WDHD1: variants seen among roughly 807,000 people sequenced by gnomAD.
WDHD1 encodes WD repeat and HMG-box DNA binding protein 1, also known as WD repeat and HMG-box DNA-binding protein 1.
WDHD1 carries 111 observed loss-of-function variants against 135.4 expected under a neutral mutation model. The ratio of observed to expected loss-of-function variants is 0.82; its 90% confidence interval spans 0.70 to 0.96. The LOEUF (loss-of-function observed/expected upper bound fraction) is 0.96. WDHD1 is among the 40% of genes least tolerant of loss of function. The pLI is 0.00. For synonymous variants in WDHD1, 434 were observed against 439.0 expected, an observed-to-expected ratio of 0.99 and a Z score of 0.14; for missense variants, 1,351 against 1,336.3, an observed-to-expected ratio of 1.01 and a Z score of -0.17.
chr14:54,959,297 C>G (rs1180080729), intron 21 of WDHD1, among the ~76,000 whole-genome samples: 1 of 150,056 alleles, frequency 6.7e-6, no homozygotes, highest in African/African-American at 2.4e-5. Context: ...ACTTGGGAGG[C>G]TGAGGTGGAA....
intron 22 of WDHD1, 42 bp from the exon 23 acceptor site, chr14:54,957,246 A>G (rs759271733): frequency 6.5e-7 from 1 of 1,547,808 alleles, no homozygotes; most frequent in Non-Finnish European, 8.7e-7. Context: ...TTTAAAGAAG[A>G]AAAATAAAAT....
chr14:54,949,618 C>T (rs1314343777), intron 24 of WDHD1, among the ~76,000 whole-genome samples: 1 of 152,152 alleles, frequency 6.6e-6, no homozygotes, highest in East Asian at 1.9e-4. Flanking sequence ...CCTAGCAAGG[C>T]AGGCCAACAT....
At chr14:54,974,476 A>G (rs1033223778) in intron 16 of WDHD1, among the ~76,000 whole-genome samples, 5 of 140,450 alleles carry the variant, frequency 3.6e-5, no homozygotes, top group African/African-American at 1.4e-4. Context: ...AATTGACCAC[A>G]AAACCTGTTT....
chr14:54,942,194 T>G (rs976870354), intron 25 of WDHD1, among the ~76,000 whole-genome samples: 2 of 151,962 alleles, frequency 1.3e-5, no homozygotes, highest in Non-Finnish European at 2.9e-5. Flanking sequence ...GAGCCTGCAG[T>G]GAGCTGAGAT....
intron 12 of WDHD1, among the ~76,000 whole-genome samples, chr14:54,990,797 T>G (rs973030666): frequency 9.2e-5 from 14 of 152,016 alleles, no homozygotes; most frequent in African/African-American, 3.4e-4. Flanking sequence ...GTCAGACTTT[T>G]CCCCCCATAG....
intron 4 of WDHD1, among the ~76,000 whole-genome samples, chr14:55,009,351 T>G (rs2042126363): frequency 6.6e-6 from 1 of 152,184 alleles, no homozygotes; most frequent in Non-Finnish European, 1.5e-5. Context: ...TTCAACCAAC[T>G]ATATTGTTTT....
intron 2 of WDHD1, among the ~76,000 whole-genome samples, chr14:55,015,176 T>C (rs1216031700): frequency 6.6e-6 from 1 of 151,924 alleles, no homozygotes; most frequent in Non-Finnish European, 1.5e-5. Context: ...TGCATCAAAA[T>C]TGGCTAGGGT....
intron 7 of WDHD1, among the ~76,000 whole-genome samples, chr14:55,003,480 A>G (rs959062818): frequency 3.3e-5 from 5 of 151,814 alleles, no homozygotes; most frequent in Admixed American, 2.0e-4. Flanking sequence ...ATGCCACTGC[A>G]CTCCAGCCTG....
intron 16 of WDHD1, among the ~76,000 whole-genome samples, chr14:54,972,590 A>AAAAAAAAAAAAAAAAT (rs71131244): frequency 1.4e-5 from 1 of 72,810 alleles, no homozygotes; most frequent in Non-Finnish European, 2.4e-5. Flanking sequence ...AAAAAAAAAA[A>AAAAAAAAAAAAAAAAT]TGCCAATGAG....
In WDHD1 at chr14:54,957,828, C is replaced by A. The variant is rs79253091; in HGVS notation, c.2702-193G>T. Among the ~76,000 whole-genome samples, 121 of 152,320 alleles carry A rather than the reference C, an allele frequency of 7.9e-4. 1 individual carries two copies. In the East Asian group the frequency reaches 0.023, roughly 28 times the overall value. On this transcript the variant is annotated intron_variant, in intron 21 of 25. Coordinates refer to ENST00000360586, the MANE Select transcript of WDHD1 (RefSeq NM_007086.4). Reference sequence around the variant, plus strand: ...AATAAAAGCTATTAAATGTGAACCACCCCAACGTGCCACTATGAAACATAT... The same window carrying A: ...AATAAAAGCTATTAAATGTGAACCAACCCAACGTGCCACTATGAAACATAT...
intron 15 of WDHD1, among the ~76,000 whole-genome samples, chr14:54,984,444 G>A (rs1030043059): frequency 1.3e-5 from 2 of 152,116 alleles, no homozygotes; most frequent in African/African-American, 2.4e-5. Flanking sequence ...GCAGTGAGCC[G>A]AGATCATGCC....
At chr14:55,007,231 T>TAGAAAAAAAA (rs2042087097) in intron 7 of WDHD1, 49 bp downstream of exon 7, 1 of 928,544 alleles carries the variant, frequency 1.1e-6, no homozygotes, top group African/African-American at 2.5e-5. Flanking sequence ...CCATCTCTAA[T>TAGAAAAAAAA]AAAAAAAAAA....
At chr14:55,009,544 G>A (rs1361561721) in intron 4 of WDHD1, among the ~76,000 whole-genome samples, 1 of 151,250 alleles carries the variant, frequency 6.6e-6, no homozygotes, top group Non-Finnish European at 1.5e-5. Flanking sequence ...CAATTCTCCT[G>A]CCTCAGCCTC....
chr14:54,987,172 T>C lies in WDHD1; in HGVS notation c.1742A>G (p.Glu581Gly). 1 of 1,614,080 alleles carries C rather than the reference T, an allele frequency of 6.2e-7. No homozygotes were observed. The highest frequency in any genetic ancestry group is 8.5e-7 in the Non-Finnish European group (1 of 1,180,000). ...TCTGTGATAAACAATGAAAAGCTGTTCTCCATGTCCTGCCATTGACACCAC... is the reference window on the plus strand; with the variant it reads ...TCTGTGATAAACAATGAAAAGCTGTCCTCCATGTCCTGCCATTGACACCAC... ...GPVVSMAGHG[E>G]QLFIVYHRGT... is the part of the protein sequence containing the mutation. Residue 581 changes from glutamate (E) to glycine (G), a missense_variant, in exon 14 of 26, where the codon GAA becomes GGA. By Grantham distance (98) the Glu-to-Gly change is moderately conservative. This residue lies in a region of WDHD1 where 1,330 missense variants were observed against 1,296.1 expected (regional missense o/e 1.03). Coordinates refer to ENST00000360586, the MANE Select transcript of WDHD1 (RefSeq NM_007086.4).
In WDHD1 at chr14:55,013,194, C is replaced by CAAAAAAAAAAAAAAAAAAAAA. The variant is rs71448422; in HGVS notation, c.189+270_189+290dup. ...TGAGCAACATGGCAAGATCCCGTTT[C>CAAAAAAAAAAAAAAAAAAAAA]AAAAAAAAAAAAAAAAAAAAAAAAT... On this transcript the variant is annotated intron_variant, in intron 3 of 25. Coordinates refer to ENST00000360586, the MANE Select transcript of WDHD1 (RefSeq NM_007086.4). Among the ~76,000 whole-genome samples, 33 of 82,314 alleles carry CAAAAAAAAAAAAAAAAAAAAA rather than the reference C, an allele frequency of 4.0e-4. 1 individual carries two copies. The highest frequency in any genetic ancestry group is 1.1e-3 in the African/African-American group (22 of 19,326). 54.0% of individuals were successfully genotyped at this position (82,314 alleles called of 152,430 possible). A position where few individuals can be genotyped will look rare whatever the true frequency, so the allele number is the denominator to read the frequency against.
At chr14:55,013,458 A>C in intron 3 of WDHD1, 27 bp downstream of exon 3, 3 of 1,468,606 alleles carry the variant, frequency 2.0e-6, no homozygotes, top group Non-Finnish European at 2.9e-6. Flanking sequence ...ATCATTTCAT[A>C]TCAATTGATA....
rs2041169032 is a variant in WDHD1 at position 54,956,931 on chromosome 14, T to C, written c.2916+103A>G. ...ACCCACTTCCCTAGCAAGACAATTGTAAACAATCAGAACCTCCTATCCTAT... is the reference window on the plus strand; with the variant it reads ...ACCCACTTCCCTAGCAAGACAATTGCAAACAATCAGAACCTCCTATCCTAT... On this transcript the variant is annotated intron_variant, in intron 23 of 25. Transcript: ENST00000360586. The C allele has an allele frequency of 5.0e-6, 7 of 1,410,684 alleles. No homozygotes were observed. In the East Asian group the frequency reaches 1.4e-4, roughly 28 times the overall value. 87.4% of individuals were successfully genotyped at this position (1,410,684 alleles called of 1,614,324 possible). A position where few individuals can be genotyped will look rare whatever the true frequency, so the allele number is the denominator to read the frequency against.
intron 3 of WDHD1, 76 bp from the exon 4 acceptor site, chr14:55,010,536 C>G (rs2042151953): frequency 1.1e-5 from 14 of 1,274,512 alleles, no homozygotes; most frequent in Admixed American, 1.0e-4. Flanking sequence ...AGTTAAAAAT[C>G]CGGTAAAAAA....
intron 16 of WDHD1, among the ~76,000 whole-genome samples, chr14:54,970,621 C>CAAAA (rs202021020): frequency 1.5e-5 from 2 of 130,646 alleles, no homozygotes; most frequent in Admixed American, 7.8e-5. Context: ...GTCACAGCAC[C>CAAAA]AAAAAAAAAA....
Sources: gnomAD v4.1 joint callset for allele counts (sites outside exome capture counted in the v4.1 genomes callset) on GRCh38, gnomAD v4.1.1 for gene constraint, gnomAD v4.1.1 regional missense constraint, MANE v1.5 for transcripts, NCBI Gene and HGNC (gene_info 2026-07-23, HGNC 2026-07-21) for gene names.